The following AFF2 variants were observed in gnomAD, a reference collection of about 807,000 sequenced individuals.
AFF2 encodes AF4/FMR2 family member 2.
Under a neutral mutation model 76.9 loss-of-function variants are expected in AFF2, and 14 were observed. The observed-to-expected ratio is 0.18, with a 90% CI of 0.12 to 0.28. The LOEUF (loss-of-function observed/expected upper bound fraction) is 0.28, where lower values mean the gene tolerates loss of function less well. AFF2 is among the 10% of genes least tolerant of loss of function. The probability of loss-of-function intolerance (pLI) is 1.00; values close to 1 mark genes in which losing one functional copy is unlikely to be tolerated. For missense variants in AFF2, 868 were observed against 1,001.1 expected (o/e 0.87, Z 1.79); for synonymous variants, 398 against 366.7 (o/e 1.09, Z -0.98).
chrX:148,581,592 A>ATACG lies in AFF2; in HGVS notation c.48-70405_48-70404insCGTA, dbSNP rs1557245029. Among the ~76,000 whole-genome samples, 12 of 68,447 alleles carry ATACG rather than the reference A, an allele frequency of 1.8e-4. 1 individual carries two copies. The highest frequency in any genetic ancestry group is 5.6e-4 in the African/African-American group (11 of 19,543). The allele number at this position is 68,447 out of a possible 115,157, so 59.4% of individuals were successfully genotyped here. On this transcript the variant is annotated intron_variant, in intron 1 of 20. Coordinates refer to ENST00000370460, the MANE Select transcript of AFF2 (RefSeq NM_002025.4). ...CGTATACGTATACGTGTACACACATATATACGTATACGTGTACACACATAT... is the reference window on the plus strand; with the variant it reads ...CGTATACGTATACGTGTACACACATATACGTATACGTATACGTGTACACACATAT...
intron 3 of AFF2, among the ~76,000 whole-genome samples, chrX:148,807,686 A>G (rs1310000236): frequency 8.9e-6 from 1 of 112,628 alleles, no homozygotes; most frequent in African/African-American, 3.2e-5. Context: ...TTTTTAGCCT[A>G]GGCTGCCCAC....
intron 1 of AFF2, among the ~76,000 whole-genome samples, chrX:148,566,451 A>G (rs782243622): frequency 1.7e-4 from 19 of 111,150 alleles, no homozygotes; most frequent in Non-Finnish European, 2.6e-4. Flanking sequence ...TGCTCTGGCA[A>G]TCCTGCATTG....
At chrX:148,556,737 A>C (rs964672358) in intron 1 of AFF2, among the ~76,000 whole-genome samples, 1 of 112,208 alleles carries the variant, frequency 8.9e-6, no homozygotes, top group Admixed American at 9.5e-5. Flanking sequence ...TTGACATTTA[A>C]CTGCCATGTC....
intron 3 of AFF2, among the ~76,000 whole-genome samples, chrX:148,728,289 AAG>A (rs1422647619): frequency 7.1e-5 from 8 of 112,356 alleles, no homozygotes; most frequent in Non-Finnish European, 1.5e-4. Context: ...TGCCAGCAAG[AAG>A]AGAGGGGATA....
At position 148,994,515 on chromosome X, in the gene AFF2, A is replaced by G. The variant is rs917050617; in HGVS notation, c.*3183A>G. 1 of 112,266 alleles carries G rather than the reference A, an allele frequency of 8.9e-6. No individual in the cohort carries two copies. The highest frequency in any genetic ancestry group is 1.9e-5 in the Non-Finnish European group (1 of 53,315). The allele number at this position is 112,266 out of a possible 1,213,427, so 9.3% of individuals were successfully genotyped here. On this transcript the variant is annotated 3_prime_UTR_variant, in exon 21 of 21. Coordinates refer to ENST00000370460, the MANE Select transcript of AFF2 (RefSeq NM_002025.4). ...TAATTGGAAAAGCAGATTAGCTGCT[A>G]CTACTTTTAAAAGACTTAAGGTCGG...
At chrX:148,705,933 A>G (rs2054879444) in intron 3 of AFF2, among the ~76,000 whole-genome samples, 1 of 111,791 alleles carries the variant, frequency 8.9e-6, no homozygotes, top group South Asian at 3.7e-4. Context: ...GGCTCTATAC[A>G]TTCACAGAAT....
chrX:148,748,500 G>A (rs1322466767), intron 3 of AFF2, among the ~76,000 whole-genome samples: 1 of 111,741 alleles, frequency 8.9e-6, no homozygotes, highest in East Asian at 2.8e-4. Context: ...GCAAATACCG[G>A]ACTCATTCTC....
At chrX:148,673,615 G>A (rs1261866304) in intron 3 of AFF2, among the ~76,000 whole-genome samples, 1 of 111,939 alleles carries the variant, frequency 8.9e-6, no homozygotes, top group Non-Finnish European at 1.9e-5. Context: ...ACATTCTGAG[G>A]TACTGAGTGG....
At chrX:148,962,111 A>G (rs1226469855) in intron 12 of AFF2, among the ~76,000 whole-genome samples, 1 of 113,061 alleles carries the variant, frequency 8.8e-6, no homozygotes, top group Non-Finnish European at 1.9e-5. Context: ...TCAGTACTTC[A>G]GTATAACAAT....
intron 1 of AFF2, among the ~76,000 whole-genome samples, chrX:148,588,246 C>A (rs2053488088): frequency 8.9e-6 from 1 of 112,703 alleles, no homozygotes; most frequent in South Asian, 3.6e-4. Context: ...ATTTCTAATA[C>A]AATTATGTGG....
chrX:148,537,927 C>G (rs1479712532), intron 1 of AFF2, among the ~76,000 whole-genome samples: 1 of 112,318 alleles, frequency 8.9e-6, no homozygotes, highest in East Asian at 2.8e-4. Flanking sequence ...TTTCTGCGAG[C>G]CAAACCCTGA....
intron 9 of AFF2, among the ~76,000 whole-genome samples, chrX:148,931,960 A>T (rs1367618964): frequency 8.9e-6 from 1 of 111,895 alleles, no homozygotes; most frequent in East Asian, 2.8e-4. Flanking sequence ...GGCTAACGTC[A>T]TCCTCAGTAT....
chrX:148,774,602 T>G (rs1177062968), intron 3 of AFF2, among the ~76,000 whole-genome samples: 2 of 111,836 alleles, frequency 1.8e-5, no homozygotes, highest in Non-Finnish European at 3.8e-5. Flanking sequence ...CCTGCTATTC[T>G]AACACACATG....
chrX:148,618,830 A>G (rs1203928571), intron 1 of AFF2, among the ~76,000 whole-genome samples: 3 of 111,283 alleles, frequency 2.7e-5, no homozygotes, highest in Non-Finnish European at 5.7e-5. Flanking sequence ...ATTTCTAGTC[A>G]AAATGGATGC....
intron 9 of AFF2, among the ~76,000 whole-genome samples, chrX:148,915,633 C>A (rs1467118371): frequency 8.9e-6 from 1 of 112,488 alleles, no homozygotes; most frequent in African/African-American, 3.2e-5. Context: ...TGCTGGGGAT[C>A]TGCTAATAAT....
Position 148,878,734 on chromosome X carries a change from A to G in AFF2, c.1263-7155A>G, listed in dbSNP as rs1352506199. On this transcript the variant is annotated intron_variant, in intron 7 of 20. Transcript: ENST00000370460. ...CGCATTTGTTTTCAGGCCCAGGTTG[A>G]TCTACTGAGTTATGGTCTTCTCTGG... 5.4e-5 allele frequency among the ~76,000 whole-genome samples: 6 copies of G among 111,940 alleles called. No homozygotes were observed. In the Admixed American group the frequency reaches 5.7e-4, roughly 11 times the overall value.
At chrX:148,590,381 G>A (rs55881934) in intron 1 of AFF2, among the ~76,000 whole-genome samples, 2 of 111,019 alleles carry the variant, frequency 1.8e-5, no homozygotes, top group Non-Finnish European at 3.8e-5. Flanking sequence ...TAGTGAGCGG[G>A]CACCTACCTA....
intron 1 of AFF2, among the ~76,000 whole-genome samples, chrX:148,623,870 T>C (rs893069495): frequency 9.0e-6 from 1 of 110,753 alleles, no homozygotes; most frequent in African/African-American, 3.3e-5. Context: ...AATTTCTGCC[T>C]CTTTCAACGT....
chrX:148,787,814 G>A (rs1229783521), intron 3 of AFF2, among the ~76,000 whole-genome samples: 1 of 111,980 alleles, frequency 8.9e-6, no homozygotes, highest in Admixed American at 9.5e-5. Context: ...ACGTATATTT[G>A]TCATGTTGAA....
Sources: allele counts gnomAD v4.1 joint callset (sites outside exome capture counted in the v4.1 genomes callset), GRCh38; gene constraint gnomAD v4.1.1; transcripts MANE v1.5; gene names NCBI Gene and HGNC (gene_info 2026-07-23, HGNC 2026-07-21).